ERG: variants seen among roughly 807,000 people sequenced by gnomAD.
ERG encodes the protein transcriptional regulator ERG.
A neutral mutation model predicts 55.3 loss-of-function variants in ERG; 9 were observed. The observed-to-expected ratio is 0.16, with a 90% CI of 0.10 to 0.28. The LOEUF is 0.28. Among genes scored for constraint, ERG ranks in the 10% least tolerant of loss-of-function variants. The probability of loss-of-function intolerance (pLI) is 1.00; values close to 1 mark genes in which losing one functional copy is unlikely to be tolerated. For missense variants in ERG, 434 were observed against 631.6 expected (o/e 0.69, Z 3.35); for synonymous variants, 223 against 237.3 (o/e 0.94, Z 0.55).
chr21:38,532,582 G>C (rs897618381), intron 2 of ERG, among the ~76,000 whole-genome samples: 1 of 152,102 alleles, frequency 6.6e-6, no homozygotes, highest in Non-Finnish European at 1.5e-5. Flanking sequence ...TTAAGGAACT[G>C]GAATGAGAAC....
At chr21:38,367,767 A>G in the ERG span, 2 of 421,008 alleles carry the variant, frequency 4.8e-6, no homozygotes, top group Admixed American at 6.0e-5. Context: ...ACTAACCAAC[A>G]GAGGGCATTT....
intron 9 of ERG, among the ~76,000 whole-genome samples, chr21:38,384,931 T>C (rs539224958): frequency 6.6e-6 from 1 of 152,214 alleles, no homozygotes; most frequent in Non-Finnish European, 1.5e-5. Context: ...CTTGCCTGTG[T>C]GCTGCAACGC....
chr21:38,625,274 T>A (rs1272375290), intron 1 of ERG, among the ~76,000 whole-genome samples: 1 of 152,206 alleles, frequency 6.6e-6, no homozygotes, highest in African/African-American at 2.4e-5. Flanking sequence ...TACAAAATTT[T>A]AAAAATATAT....
intron 2 of ERG, among the ~76,000 whole-genome samples, chr21:38,444,172 G>C (rs139180532): frequency 6.6e-6 from 1 of 152,126 alleles, no homozygotes; most frequent in Admixed American, 6.5e-5. Flanking sequence ...CCTTTTTAGC[G>C]TTAAAACATA....
intron 1 of ERG, among the ~76,000 whole-genome samples, chr21:38,591,311 A>T (rs890626411): frequency 3.3e-5 from 5 of 152,248 alleles, no homozygotes; most frequent in Admixed American, 2.0e-4. Context: ...GCCTGACAGC[A>T]TTAAGCCAAA....
intron 3 of ERG, among the ~76,000 whole-genome samples, chr21:38,408,362 C>T (rs1328049396): frequency 1.3e-5 from 2 of 152,230 alleles, no homozygotes; most frequent in African/African-American, 4.8e-5. Flanking sequence ...ATGCCTGTGC[C>T]ACATGCCACC....
chr21:38,544,903 C>A (rs1220177115), intron 2 of ERG, among the ~76,000 whole-genome samples: 2 of 152,140 alleles, frequency 1.3e-5, no homozygotes, highest in Non-Finnish European at 2.9e-5. Context: ...TCCCCACAGT[C>A]AGCTCACTGT....
intron 1 of ERG, among the ~76,000 whole-genome samples, chr21:38,458,975 C>A (rs1267573189): frequency 6.6e-6 from 1 of 152,138 alleles, no homozygotes; most frequent in South Asian, 2.1e-4. Flanking sequence ...CCTTTTTTAA[C>A]CCTCTTTTCT....
Position 38,380,132 on chromosome 21 carries a change from A to G in ERG, c.*3271T>C. On this transcript the variant is annotated 3_prime_UTR_variant, in exon 10 of 10. Coordinates refer to ENST00000288319, the MANE Select transcript of ERG (RefSeq NM_182918.4). The stretch of plus-strand genomic sequence containing the variant: ...AGAAGCTAAATAAACTAGCTTTTTA[A>G]AAAATATTTTCTTCTCTTTCTCCAG... 9.7e-7 allele frequency: 1 copy of G among 1,034,174 alleles called. No individual in the cohort carries two copies. Among genetic ancestry groups the G allele is most frequent in the Non-Finnish European group, 1.2e-6 (1 of 859,600 alleles). 64.1% of individuals were successfully genotyped at this position (1,034,174 alleles called of 1,614,324 possible).
At chr21:38,404,356 G>C (rs952247803) in intron 3 of ERG, among the ~76,000 whole-genome samples, 9 of 152,162 alleles carry the variant, frequency 5.9e-5, no homozygotes, top group African/African-American at 2.2e-4. Flanking sequence ...CAGGAGTGGG[G>C]TTGGTGAGTG....
rs558767062 is a variant in ERG, at chr21:38,578,418, T to C, written c.-126-2671A>G. The stretch of plus-strand genomic sequence containing the variant: ...ACCCATGCTTTTTGCCACATAACTT[T>C]GTGATTCTTCCCATTAAAGAGGTAG... On this transcript the variant is annotated intron_variant, in intron 1 of 8. Transcript: ENST00000398897. 2.2e-4 allele frequency among the ~76,000 whole-genome samples: 33 copies of C among 152,346 alleles called. No homozygotes were observed. In the South Asian group the frequency reaches 6.2e-3, roughly 29 times the overall value.
intron 2 of ERG, among the ~76,000 whole-genome samples, chr21:38,543,588 A>G (rs1170457925): frequency 6.6e-6 from 1 of 152,140 alleles, no homozygotes; most frequent in Non-Finnish European, 1.5e-5. Context: ...GGAGCCACAA[A>G]CAAGCAAAAT....
chr21:38,416,884 G>A (rs1161182672), intron 3 of ERG, among the ~76,000 whole-genome samples: 1 of 152,200 alleles, frequency 6.6e-6, no homozygotes, highest in Admixed American at 6.5e-5. Context: ...AATGCAGCGC[G>A]TGAGTTGGGG....
chr21:38,431,503 A>G (rs545227711), intron 2 of ERG, among the ~76,000 whole-genome samples: 2 of 152,352 alleles, frequency 1.3e-5, no homozygotes, highest in East Asian at 3.9e-4. Context: ...AAATGATAAC[A>G]TAAATAATTA....
chr21:38,408,509 C>G (rs900983323), intron 3 of ERG, among the ~76,000 whole-genome samples: 2 of 152,194 alleles, frequency 1.3e-5, no homozygotes, highest in African/African-American at 2.4e-5. Context: ...GACTGAAGAC[C>G]TAGTCTCTGC....
chr21:38,439,408 C>T (rs555428831), intron 2 of ERG, among the ~76,000 whole-genome samples: 2 of 152,286 alleles, frequency 1.3e-5, no homozygotes, highest in Non-Finnish European at 1.5e-5. Flanking sequence ...AGGGAGCTCA[C>T]GAGAGGCTGA....
intron 1 of ERG, among the ~76,000 whole-genome samples, chr21:38,492,803 A>G (rs2836438): frequency 0.88 from 134,527 of 152,100 alleles, 59,641 homozygotes; most frequent in African/African-American, 0.94. Context: ...GACCAAACAG[A>G]GAATAAAAGT....
chr21:38,591,331 A>G (rs2060099192), intron 1 of ERG, among the ~76,000 whole-genome samples: 1 of 152,232 alleles, frequency 6.6e-6, no homozygotes, highest in African/African-American at 2.4e-5. Flanking sequence ...ATGGCTCAGT[A>G]GTTAAAAACA....
intron 2 of ERG, among the ~76,000 whole-genome samples, chr21:38,426,830 T>G (rs140663539): frequency 0.012 from 1,780 of 151,610 alleles, 41 homozygotes; most frequent in African/African-American, 0.041. Flanking sequence ...CTCGGGAGGC[T>G]GAGGCAGGAG....
Sources: gnomAD v4.1 joint callset for allele counts (sites outside exome capture counted in the v4.1 genomes callset) on GRCh38, gnomAD v4.1.1 for gene constraint, MANE v1.5 for transcripts, NCBI Gene and HGNC (gene_info 2026-07-23, HGNC 2026-07-21) for gene names.